FAAH2: variants seen among roughly 807,000 people sequenced by gnomAD.
FAAH2 encodes the protein fatty-acid amide hydrolase 2.
FAAH2 carries 60 observed loss-of-function variants against 36.9 expected under a neutral mutation model. That is an observed-to-expected ratio of 1.63 (90% CI 1.32 to 2.02). FAAH2 has a LOEUF of 2.02. FAAH2 is among the 30% of genes most tolerant of loss of function. The pLI is 0.00. For synonymous variants in FAAH2, 214 were observed against 143.8 expected, an observed-to-expected ratio of 1.49 and a Z score of -3.49; for missense variants, 689 against 397.5, an observed-to-expected ratio of 1.73 and a Z score of -6.23.
chrX:57,477,674 G>C (rs1159860329), intron 10 of FAAH2, among the ~76,000 whole-genome samples: 1 of 98,940 alleles, frequency 1.0e-5, no homozygotes, highest in African/African-American at 3.7e-5. Context: ...GGTGTAAGAT[G>C]TTTCCCTTCC....
chrX:57,262,275 C>G, the FAAH2 span, among the ~76,000 whole-genome samples: 1 of 111,106 alleles, frequency 9.0e-6, no homozygotes, highest in Non-Finnish European at 1.9e-5. Context: ...ACTGAATAAA[C>G]TGAAAACTCA....
chrX:57,395,400 CT>C (rs773375041), intron 7 of FAAH2: 1 of 715,631 alleles, frequency 1.4e-6, no homozygotes, highest in Non-Finnish European at 2.2e-6. Context: ...AGGATTTCTG[CT>C]GGTGCCATGG....
the FAAH2 span, among the ~76,000 whole-genome samples, chrX:57,177,577 AATATATATATATATATAT>A: frequency 1.7e-4 from 6 of 34,790 alleles, no homozygotes; most frequent in South Asian, 2.4e-3. Context: ...TCAAAATTTA[AATATATATATATATATAT>A]ATATATATAT....
intron 8 of FAAH2, among the ~76,000 whole-genome samples, chrX:57,437,643 A>C (rs2056436559): frequency 9.4e-6 from 1 of 105,878 alleles, no homozygotes; most frequent in African/African-American, 3.4e-5. Context: ...GTTACAAAAA[A>C]TAAAGTAGAA....
chrX:57,168,137 G>T, the FAAH2 span, among the ~76,000 whole-genome samples: 1 of 111,064 alleles, frequency 9.0e-6, no homozygotes, highest in Non-Finnish European at 1.9e-5. Context: ...CTTATGATCA[G>T]ATTTATTTAC....
At chrX:57,287,990 C>G (rs1364051277) in intron 1 of FAAH2, among the ~76,000 whole-genome samples, 1 of 111,490 alleles carries the variant, frequency 9.0e-6, no homozygotes, top group Non-Finnish European at 1.9e-5. Context: ...CCTCTACCCA[C>G]TCATGCATGC....
the FAAH2 span, among the ~76,000 whole-genome samples, chrX:57,219,863 C>CTTTTTTTTTTTTTTTTTT: frequency 2.8e-5 from 1 of 35,638 alleles, no homozygotes; most frequent in African/African-American, 1.1e-4. Context: ...AGCGCCTTGT[C>CTTTTTTTTTTTTTTTTTT]TTTTTTTTTT....
chrX:57,402,990 TTA>T (rs2055476386), intron 7 of FAAH2, among the ~76,000 whole-genome samples: 1 of 112,079 alleles, frequency 8.9e-6, no homozygotes. Flanking sequence ...AGCAGTAACA[TTA>T]TATGTCTCCA....
At chrX:57,147,740 A>G in the FAAH2 span, among the ~76,000 whole-genome samples, 3 of 111,625 alleles carry the variant, frequency 2.7e-5, no homozygotes, top group Non-Finnish European at 5.7e-5. Flanking sequence ...TGTATCCCAG[A>G]AATTTATAGG....
chrX:57,251,633 A>G, the FAAH2 span, among the ~76,000 whole-genome samples: 5 of 112,183 alleles, frequency 4.5e-5, no homozygotes, highest in African/African-American at 1.6e-4. Flanking sequence ...AAACTAACAA[A>G]TTCCATGAAG....
At chrX:57,367,008 C>A (rs1602420882) in intron 5 of FAAH2, among the ~76,000 whole-genome samples, 1 of 112,383 alleles carries the variant, frequency 8.9e-6, no homozygotes, top group Non-Finnish European at 1.9e-5. Context: ...TGCCAACTCT[C>A]CAGGCAGTTC....
intron 7 of FAAH2, among the ~76,000 whole-genome samples, chrX:57,384,532 C>A (rs1290366372): frequency 1.8e-5 from 2 of 110,813 alleles, no homozygotes; most frequent in Non-Finnish European, 3.8e-5. Flanking sequence ...ACAGACACTT[C>A]TCAAAAGAAG....
chrX:57,172,997 A>G, the FAAH2 span, among the ~76,000 whole-genome samples: 2 of 111,736 alleles, frequency 1.8e-5, no homozygotes, highest in African/African-American at 6.5e-5. Context: ...GAAAACAAAA[A>G]TGCCTGTCCT....
the FAAH2 span, among the ~76,000 whole-genome samples, chrX:57,179,948 T>G: frequency 8.9e-6 from 1 of 112,021 alleles, no homozygotes; most frequent in Admixed American, 9.5e-5. Context: ...AAATATAATT[T>G]CAGACTAAGA....
the FAAH2 span, among the ~76,000 whole-genome samples, chrX:57,146,348 CT>C: frequency 9.0e-6 from 1 of 111,315 alleles, no homozygotes; most frequent in South Asian, 3.8e-4. Context: ...GGATTGAGTT[CT>C]TGATTTGATT....
At chrX:57,256,671 C>A in the FAAH2 span, among the ~76,000 whole-genome samples, 2 of 111,575 alleles carry the variant, frequency 1.8e-5, no homozygotes, top group African/African-American at 6.5e-5. Flanking sequence ...AAAGCTATGG[C>A]AACAAAAGCC....
chrX:57,201,492 G>T, the FAAH2 span, among the ~76,000 whole-genome samples: 1 of 110,239 alleles, frequency 9.1e-6, no homozygotes, highest in Non-Finnish European at 1.9e-5. Context: ...TATATTACTG[G>T]TTTCTTTTGT....
chrX:57,430,420 C>T (rs2056267496), intron 7 of FAAH2, among the ~76,000 whole-genome samples: 1 of 111,528 alleles, frequency 9.0e-6, no homozygotes, highest in African/African-American at 3.3e-5. Flanking sequence ...TGGGATGCTT[C>T]TTCCAGGGGA....
At chrX:57,316,751 A>G (rs996719691) in intron 3 of FAAH2, among the ~76,000 whole-genome samples, 20 of 111,500 alleles carry the variant, frequency 1.8e-4, no homozygotes, top group African/African-American at 6.2e-4. Context: ...TAAATGTAAG[A>G]CGTCAAACTC....
Sources: allele counts gnomAD v4.1 joint callset (sites outside exome capture counted in the v4.1 genomes callset), GRCh38; gene constraint gnomAD v4.1.1; transcripts MANE v1.5; gene names NCBI Gene and HGNC (gene_info 2026-07-23, HGNC 2026-07-21).